The following DCAF6 variants were observed in gnomAD, a reference collection of about 807,000 sequenced individuals.
The protein encoded by DCAF6 is DDB1- and CUL4-associated factor 6.
In DCAF6, 54 loss-of-function variants were observed where a neutral mutation model predicts 125.1. That is an observed-to-expected ratio of 0.43 (90% confidence interval 0.35 to 0.54). The LOEUF (loss-of-function observed/expected upper bound fraction) is 0.54, where lower values mean the gene tolerates loss of function less well. DCAF6 is among the 20% of genes least tolerant of loss of function. DCAF6 has a pLI of 0.01. For missense variants in DCAF6, 934 were observed against 1,161.7 expected (o/e 0.80, Z 2.85); for synonymous variants, 371 against 390.4 (o/e 0.95, Z 0.58).
chr1:168,052,576 G>A (rs1010931011), intron 17 of DCAF6, among the ~76,000 whole-genome samples: 1 of 152,150 alleles, frequency 6.6e-6, no homozygotes, highest in Admixed American at 6.5e-5. Context: ...TATTAGAGAT[G>A]TTCAAAGAAT....
At chr1:167,911,355 T>C in the DCAF6 span, among the ~76,000 whole-genome samples, 1 of 152,250 alleles carries the variant, frequency 6.6e-6, no homozygotes, top group Non-Finnish European at 1.5e-5. Flanking sequence ...AAGAAATCAA[T>C]GTACTTTATG....
chr1:167,941,755 A>T (rs549530699), intron 1 of DCAF6, among the ~76,000 whole-genome samples: 1 of 152,370 alleles, frequency 6.6e-6, no homozygotes, highest in East Asian at 1.9e-4. Flanking sequence ...TTTTTTAAAC[A>T]CTGCTGATGG....
intron 1 of DCAF6, among the ~76,000 whole-genome samples, chr1:167,945,882 A>G (rs1295600203): frequency 6.7e-6 from 1 of 149,876 alleles, no homozygotes; most frequent in Non-Finnish European, 1.5e-5. Flanking sequence ...ATTGGTGTGT[A>G]GAAACACTAC....
the DCAF6 span, chr1:167,878,525 TA>T: frequency 6.2e-7 from 1 of 1,614,158 alleles, no homozygotes; most frequent in Non-Finnish European, 8.5e-7. Flanking sequence ...GGAAGCTCTT[TA>T]AAAAAGTACG....
the DCAF6 span, among the ~76,000 whole-genome samples, chr1:167,890,607 G>A: frequency 0.01 from 2 of 192 alleles, no homozygotes; most frequent in African/African-American, 0.048. Flanking sequence ...CAATCAGCAG[G>A]TGCAAAGCCA....
the DCAF6 span, among the ~76,000 whole-genome samples, chr1:167,908,351 A>T: frequency 6.6e-6 from 1 of 152,200 alleles, no homozygotes; most frequent in African/African-American, 2.4e-5. Flanking sequence ...GAATCTAAAA[A>T]AGTCAAAATC....
At position 168,066,451 on chromosome 1, in the gene DCAF6, A is replaced by G. The variant is rs1692344492; in HGVS notation, c.2671A>G (p.Lys891Glu). The G allele has an allele frequency of 6.2e-7, 1 of 1,604,316 alleles. No individual in the cohort carries two copies. The highest frequency in any genetic ancestry group is 8.5e-7 in the Non-Finnish European group (1 of 1,172,666). The part of the protein sequence containing the change: ...PLEESRIFNR[K>E]LADEVITRNE... Reference sequence around the variant, plus strand: ...AGAAGAGTCAAGGATTTTTAACCGAAAACTTGCTGATGAAGTAAGATTTTT... The same window carrying G: ...AGAAGAGTCAAGGATTTTTAACCGAGAACTTGCTGATGAAGTAAGATTTTT... Residue 891 changes from lysine (K) to glutamate (E), a missense_variant, in exon 20 of 22, where the codon AAA (lysine) becomes GAA (glutamate). By Grantham distance (56) the Lys-to-Glu change is moderately conservative. Transcript: ENST00000367840.
At chr1:167,905,260 C>T in the DCAF6 span, 5 of 1,244,624 alleles carry the variant, frequency 4.0e-6, no homozygotes, top group Non-Finnish European at 5.8e-6. Flanking sequence ...TCCTATTGCT[C>T]TTTCTCCATT....
chr1:167,903,457 G>A, the DCAF6 span, among the ~76,000 whole-genome samples: 3 of 151,854 alleles, frequency 2.0e-5, 1 homozygote, highest in Middle Eastern at 6.8e-3. Context: ...CTAGCTACTC[G>A]GGAGGCTGAG....
the DCAF6 span, chr1:167,920,017 C>G: frequency 1.2e-6 from 2 of 1,613,388 alleles, no homozygotes; most frequent in Non-Finnish European, 1.7e-6. Context: ...CTGCTGCCCC[C>G]ACAAAGAAAT....
At chr1:168,057,298 T>A (rs1691000559) in intron 17 of DCAF6, among the ~76,000 whole-genome samples, 1 of 152,200 alleles carries the variant, frequency 6.6e-6, no homozygotes, top group Non-Finnish European at 1.5e-5. Context: ...TTACTAAATG[T>A]GACTAGTACT....
chr1:167,987,796 T>C (rs1365252982), intron 5 of DCAF6, among the ~76,000 whole-genome samples, 188 bp downstream of exon 5: 2 of 152,158 alleles, frequency 1.3e-5, no homozygotes, highest in African/African-American at 4.8e-5. Flanking sequence ...AATCAGAAAT[T>C]GAAAAATGTA....
intron 11 of DCAF6, among the ~76,000 whole-genome samples, chr1:168,016,166 A>G (rs895328212): frequency 3.3e-5 from 5 of 152,342 alleles, no homozygotes; most frequent in African/African-American, 4.8e-5. Context: ...AAAATAATCA[A>G]TTTTAAAAGT....
At chr1:167,973,059 T>C (rs1677580094) in intron 3 of DCAF6, among the ~76,000 whole-genome samples, 2 of 152,246 alleles carry the variant, frequency 1.3e-5, no homozygotes, top group Admixed American at 1.3e-4. Flanking sequence ...AAGTAACTAA[T>C]GGCTGTATGT....
the DCAF6 span, among the ~76,000 whole-genome samples, chr1:167,905,618 G>A: frequency 6.6e-6 from 1 of 151,192 alleles, no homozygotes; most frequent in African/African-American, 2.4e-5. Context: ...AAAAAGTGTA[G>A]ATGTGATTCG....
the DCAF6 span, among the ~76,000 whole-genome samples, chr1:167,912,369 C>G: frequency 6.6e-6 from 1 of 152,198 alleles, no homozygotes; most frequent in Non-Finnish European, 1.5e-5. Flanking sequence ...ATTCCGGAGG[C>G]CTTCTTTCCC....
At chr1:167,905,048 T>G in the DCAF6 span, 1 of 1,614,116 alleles carries the variant, frequency 6.2e-7, no homozygotes, top group Non-Finnish European at 8.5e-7. Context: ...AGGGTCGCTC[T>G]GGGGAGAAAT....
intron 17 of DCAF6, among the ~76,000 whole-genome samples, chr1:168,051,463 C>CT (rs1488219155): frequency 6.6e-6 from 1 of 152,190 alleles, no homozygotes; most frequent in African/African-American, 2.4e-5. Flanking sequence ...AAGCACTTCT[C>CT]TATTTGGGAC....
chr1:167,882,611 A>G, the DCAF6 span, among the ~76,000 whole-genome samples: 42 of 152,208 alleles, frequency 2.8e-4, no homozygotes, highest in East Asian at 6.8e-3. Context: ...TTTCTTGGAA[A>G]CAAGCTTCTG....
Sources: allele counts gnomAD v4.1 joint callset (sites outside exome capture counted in the v4.1 genomes callset), GRCh38; gene constraint gnomAD v4.1.1; transcripts MANE v1.5; gene names NCBI Gene and HGNC (gene_info 2026-07-23, HGNC 2026-07-21).